C4orf50: variants seen among roughly 807,000 people sequenced by gnomAD.
C4orf50 encodes chromosome 4 open reading frame 50.
In C4orf50, 80 loss-of-function variants were observed where a neutral mutation model predicts 77.2. That is an observed-to-expected ratio of 1.04 (90% CI 0.87 to 1.25). The LOEUF is 1.25. Ranked by LOEUF, C4orf50 falls within the 50% of genes most tolerant of loss-of-function variation. The pLI is 0.00. For synonymous variants in C4orf50, 532 were observed against 465.3 expected, an observed-to-expected ratio of 1.14 and a Z score of -1.84; for missense variants, 1,257 against 1,152.9, an observed-to-expected ratio of 1.09 and a Z score of -1.31.
intron 7 of C4orf50, chr4:5,904,147 G>C (rs115501262): frequency 6.6e-6 from 1 of 152,292 alleles, no homozygotes. Context: ...ACGTTTCCCC[G>C]CTCAACAGCT....
intron 29 of C4orf50, among the ~76,000 whole-genome samples, chr4:5,978,146 T>C (rs1332762075): frequency 5.3e-5 from 8 of 152,210 alleles, no homozygotes; most frequent in African/African-American, 1.7e-4. Context: ...AGGATGTCTA[T>C]GATAGAAAAG....
chr4:5,988,993 T>C, exon 28 of C4orf50: 1 of 1,536,090 alleles, frequency 6.5e-7, no homozygotes, highest in Non-Finnish European at 8.7e-7. Context: ...ATTTTCCTCT[T>C]CAAGCTCCAA....
rs1180044997 is a variant in C4orf50, at chr4:6,007,512, C to T, written c.963+484G>A. Among the ~76,000 whole-genome samples, 3 of 152,088 alleles carry T rather than the reference C, an allele frequency of 2.0e-5. No homozygotes were observed. The highest frequency in any genetic ancestry group is 4.1e-4 in the South Asian group (2 of 4,820). On this transcript the variant is annotated intron_variant, in intron 25 of 33. Coordinates refer to ENST00000531445, the Ensembl canonical transcript of C4orf50. The surrounding 1 kb of genome is among the most constrained non-coding windows in gnomAD (Gnocchi z 4.1). ...GCCTTGATCTTGGACCTCCAGCCTC[C>T]AAAAGTGTGAAAAATAAGTTTCTGT... is the stretch of plus-strand genomic sequence containing the variant.
chr4:5,970,581 C>T lies in C4orf50; in HGVS notation c.4104+3078G>A, dbSNP rs994539417. Among the ~76,000 whole-genome samples the T allele has an allele frequency of 3.9e-5, 6 of 152,196 alleles. No individual in the cohort carries two copies. The East Asian group carries it at 9.6e-4, about 24-fold the overall frequency. ...ACCCGTGGCCCCCAGCCCAACACCA[C>T]ATGCCTGCAGAAAGGGCACTGGGGC... is the stretch of plus-strand genomic sequence containing the variant. On this transcript the variant is annotated intron_variant, in intron 31 of 33. Transcript: ENST00000531445. This position sits in a 1 kb window ranked among gnomAD's most constrained non-coding sequence, Gnocchi z 4.3.
intron 25 of C4orf50, among the ~76,000 whole-genome samples, chr4:6,006,329 A>G (rs550622220): frequency 5.9e-5 from 9 of 152,290 alleles, no homozygotes; most frequent in African/African-American, 2.2e-4. Flanking sequence ...CTTAAATGCA[A>G]ATTGAGCCAC....
rs887678787 is a variant in C4orf50, at chr4:5,981,850, C to T, written c.3700-1512G>A. Among the ~76,000 whole-genome samples the T allele has an allele frequency of 2.0e-5, 3 of 152,058 alleles. No homozygotes were observed. The South Asian group carries it at 6.2e-4, about 32-fold the overall frequency. On this transcript the variant is annotated intron_variant, in intron 28 of 33. Coordinates refer to ENST00000531445, the Ensembl canonical transcript of C4orf50. ...CCCTTCCCCTTGTGATGGCAGTTCC[C>T]TTTTCCTGTAAGGCAGCTTCCCTGG...
Position 6,004,262 on chromosome 4 carries a change from ATGGTGG to A in C4orf50, c.963+3728_963+3733del, listed in dbSNP as rs1722093572. On this transcript the variant is annotated intron_variant, in intron 25 of 33. Transcript: ENST00000531445. ...GATGATGGTGATGATGGTGATGGTG[ATGGTGG>A]TGATGGTGATGGTGATGTTGGTGAT... is the stretch of plus-strand genomic sequence containing the variant. 3.0e-3 allele frequency among the ~76,000 whole-genome samples: 153 copies of A among 50,666 alleles called. 1 individual carries two copies. Among genetic ancestry groups the A allele is most frequent in the East Asian group, 0.014 (8 of 588 alleles). 33.2% of individuals were successfully genotyped at this position (50,666 alleles called of 152,430 possible). A position where few individuals can be genotyped will look rare whatever the true frequency, so the allele number is the denominator to read the frequency against.
At chr4:5,984,918 C>T (rs964928851) in intron 28 of C4orf50, among the ~76,000 whole-genome samples, 5 of 150,230 alleles carry the variant, frequency 3.3e-5, no homozygotes, top group African/African-American at 7.3e-5. Context: ...TATCTAGGCA[C>T]ATTATAGTGA....
intron 7 of C4orf50, among the ~76,000 whole-genome samples, chr4:5,929,909 G>A (rs6840273): frequency 0.063 from 9,615 of 152,294 alleles, 552 homozygotes; most frequent in African/African-American, 0.16. Flanking sequence ...TAGCTACCCC[G>A]CAGTAAGCAA....
intron 7 of C4orf50, among the ~76,000 whole-genome samples, chr4:5,944,812 G>A (rs1022115952): frequency 2.0e-5 from 3 of 152,182 alleles, no homozygotes; most frequent in Admixed American, 1.3e-4. Context: ...CAGAGGCCTG[G>A]GGCGGAGGGG....
rs1717823183 is a variant in C4orf50, at chr4:5,932,757, G to A, written c.*2474+24144C>T. On this transcript the variant is annotated intron_variant, in intron 7 of 7. Transcript: ENST00000324058. The surrounding 1 kb of genome is among the most constrained non-coding windows in gnomAD (Gnocchi z 4.2). ...GCACCCACATTACAGTATTAAAAAAGCAAGAGAGCTGGATTTCAATCCCAG... is the reference window on the plus strand; with the variant it reads ...GCACCCACATTACAGTATTAAAAAAACAAGAGAGCTGGATTTCAATCCCAG... 6.6e-6 allele frequency among the ~76,000 whole-genome samples: 1 copy of A among 152,120 alleles called. No homozygotes were observed. Among genetic ancestry groups the A allele is most frequent in the Non-Finnish European group, 1.5e-5 (1 of 68,028 alleles).
At chr4:5,999,426 T>C (rs944878602) in intron 25 of C4orf50, among the ~76,000 whole-genome samples, 5 of 152,164 alleles carry the variant, frequency 3.3e-5, no homozygotes, top group Admixed American at 1.3e-4. Context: ...ACTCCAAAAG[T>C]TGATGAAAGT....
intron 7 of C4orf50, among the ~76,000 whole-genome samples, chr4:5,938,795 CTTTTT>C (rs5855874): frequency 6.7e-6 from 1 of 149,764 alleles, no homozygotes; most frequent in African/African-American, 2.4e-5. Flanking sequence ...TTTTTCTTTT[CTTTTT>C]TTTTTTTATC....
chr4:5,943,770 T>A (rs73067502), intron 7 of C4orf50, among the ~76,000 whole-genome samples: 38 of 152,322 alleles, frequency 2.5e-4, no homozygotes, highest in African/African-American at 9.1e-4. Context: ...CAATACTCCC[T>A]TATCAGCTCC....
In C4orf50 at chr4:6,007,074, T is replaced by C. The variant is rs530115147; in HGVS notation, c.963+922A>G. ...GCTGTCAGCAGGAACTCATTGGATG[T>C]TGGACAGATGGATGGACAAGAGTGA... On this transcript the variant is annotated intron_variant, in intron 25 of 33. Coordinates refer to ENST00000531445, the Ensembl canonical transcript of C4orf50. This position sits in a 1 kb window ranked among gnomAD's most constrained non-coding sequence, Gnocchi z 4.1. Among the ~76,000 whole-genome samples the C allele has an allele frequency of 9.9e-5, 15 of 152,274 alleles. 1 individual carries two copies. The highest frequency in any genetic ancestry group is 3.4e-3 in the Middle Eastern group (1 of 294).
downstream of C4orf50, among the ~76,000 whole-genome samples, chr4:5,954,283 C>T (rs941180853): frequency 2.6e-5 from 4 of 152,064 alleles, no homozygotes; most frequent in African/African-American, 7.2e-5. The surrounding 1 kb of genome is among the most constrained non-coding windows in gnomAD (Gnocchi z 4.7). Flanking sequence ...GTCCTGTGTC[C>T]AGCAAATACC....
chr4:5,940,967 C>T (rs1718235111), intron 7 of C4orf50, among the ~76,000 whole-genome samples: 1 of 152,132 alleles, frequency 6.6e-6, no homozygotes, highest in African/African-American at 2.4e-5. Context: ...ACTACTCAGC[C>T]CCAGTAGAAC....
At chr4:5,990,093 G>A (rs760131978) in exon 28 of C4orf50, 48 of 1,308,166 alleles carry the variant, frequency 3.7e-5, no homozygotes, top group Middle Eastern at 2.9e-4. Flanking sequence ...GACCCCAGAC[G>A]TATCCTTCCA....
At chr4:5,978,867 C>T (rs16837991) in intron 29 of C4orf50, among the ~76,000 whole-genome samples, 32,621 of 152,140 alleles carry the variant, frequency 0.21, 3,849 homozygotes, top group African/African-American at 0.32. Context: ...CATAGATTAC[C>T]ACACAGTCAA....
Sources: allele counts gnomAD v4.1 joint callset (sites outside exome capture counted in the v4.1 genomes callset), GRCh38; gene constraint gnomAD v4.1.1; non-coding constraint Gnocchi (gnomAD v3.1); transcripts MANE v1.5; gene names NCBI Gene and HGNC (gene_info 2026-07-23, HGNC 2026-07-21).